EEA1: variants seen among roughly 807,000 people sequenced by gnomAD.
EEA1 encodes the protein early endosome antigen 1, 162kD.
Under a neutral mutation model 209.2 loss-of-function variants are expected in EEA1, and 111 were observed. That is an observed-to-expected ratio of 0.53 (90% CI 0.45 to 0.62). The LOEUF is 0.62. EEA1 is among the 20% of genes least tolerant of loss of function. The probability of loss-of-function intolerance (pLI) is 0.00; values close to 1 mark genes in which losing one functional copy is unlikely to be tolerated. For missense variants in EEA1, 1,343 were observed against 1,530.8 expected, an observed-to-expected ratio of 0.88 and a Z score of 2.05; for synonymous variants, 536 against 540.6, an observed-to-expected ratio of 0.99 and a Z score of 0.12.
chr12:92,885,049 GAAA>G (rs1879322433), intron 2 of EEA1, among the ~76,000 whole-genome samples: 1 of 148,514 alleles, frequency 6.7e-6, no homozygotes, highest in Non-Finnish European at 1.5e-5. Context: ...AATGTGCAAA[GAAA>G]AAAGAATACT....
chr12:92,813,085 G>T lies in EEA1; in HGVS notation c.1938C>A (p.Ala646=). 6.3e-7 allele frequency: 1 copy of T among 1,575,126 alleles called. No homozygotes were observed. Among genetic ancestry groups the T allele is most frequent in the Non-Finnish European group, 8.7e-7 (1 of 1,155,308 alleles). ...CTGCTGATAGTAATAGTTCGGTTTT[G>T]GCTTTAATCTGTAACAGCATTTACA... The part of the protein sequence containing the change: ...KVSQLDIQIK[A]KTELLLSAEA... Residue 646 remains alanine (A), a synonymous_variant, in exon 16 of 29, where the codon GCC becomes GCA. Coordinates refer to ENST00000322349, the MANE Select transcript of EEA1 (RefSeq NM_003566.4).
chr12:92,831,950 G>C (rs1008860286), intron 11 of EEA1, among the ~76,000 whole-genome samples: 8 of 150,838 alleles, frequency 5.3e-5, no homozygotes, highest in Non-Finnish European at 8.9e-5. Flanking sequence ...AGCCGGGCGC[G>C]GTGGCGGGCG....
intron 2 of EEA1, among the ~76,000 whole-genome samples, chr12:92,888,756 C>T (rs1463254731): frequency 2.0e-5 from 3 of 151,946 alleles, no homozygotes; most frequent in Non-Finnish European, 4.4e-5. Context: ...ACTAATGAAC[C>T]ACAATATAAG....
chr12:92,911,525 A>C (rs2264291), intron 1 of EEA1, among the ~76,000 whole-genome samples: 1 of 152,212 alleles, frequency 6.6e-6, no homozygotes, highest in Non-Finnish European at 1.5e-5. Flanking sequence ...GGATTTGTAC[A>C]GAAGTGAAAG....
At chr12:92,925,467 G>A (rs1028412242) in intron 1 of EEA1, among the ~76,000 whole-genome samples, 8 of 152,080 alleles carry the variant, frequency 5.3e-5, no homozygotes, top group Non-Finnish European at 1.2e-4. Context: ...TGCACGCCTC[G>A]GCTTCCCAAA....
At chr12:92,882,420 T>TC (rs1879188860) in intron 2 of EEA1, among the ~76,000 whole-genome samples, 1 of 152,094 alleles carries the variant, frequency 6.6e-6, no homozygotes, top group South Asian at 2.1e-4. Context: ...TTTTTTTTTT[T>TC]TCCACTTTTA....
intron 2 of EEA1, among the ~76,000 whole-genome samples, chr12:92,888,460 C>T (rs993515507): frequency 4.0e-5 from 6 of 151,784 alleles, no homozygotes; most frequent in Non-Finnish European, 7.4e-5. Context: ...GCCTGTAGTC[C>T]CAGCTACTCG....
intron 2 of EEA1, among the ~76,000 whole-genome samples, chr12:92,875,033 A>C (rs953078738): frequency 1.3e-5 from 2 of 152,210 alleles, no homozygotes; most frequent in African/African-American, 4.8e-5. Context: ...TTTTTTAAAA[A>C]TCACATGGGC....
intron 10 of EEA1, among the ~76,000 whole-genome samples, chr12:92,834,881 T>C (rs1409500024): frequency 1.3e-5 from 2 of 152,132 alleles, no homozygotes; most frequent in Non-Finnish European, 2.9e-5. Context: ...ATCATCTTTT[T>C]TTTTTCTTTT....
chr12:92,868,664 T>C (rs1174951960), intron 2 of EEA1, among the ~76,000 whole-genome samples: 4 of 152,274 alleles, frequency 2.6e-5, no homozygotes, highest in African/African-American at 9.6e-5. Flanking sequence ...CATTTCATTA[T>C]AGAAATATTC....
intron 2 of EEA1, among the ~76,000 whole-genome samples, chr12:92,871,132 A>G (rs1878624348): frequency 2.0e-5 from 3 of 152,228 alleles, no homozygotes; most frequent in African/African-American, 7.2e-5. Context: ...ATATTCACTT[A>G]ATATTTTGAT....
In EEA1 at chr12:92,776,197, A is replaced by C. The variant is rs1191205683; in HGVS notation, c.4114-64T>G. 2.0e-6 allele frequency: 3 copies of C among 1,475,308 alleles called. No individual in the cohort carries two copies. In the African/African-American group the frequency reaches 4.2e-5, roughly 21 times the overall value. The allele number at this position is 1,475,308 out of a possible 1,614,324, so 91.4% of individuals were successfully genotyped here. On this transcript the variant is annotated intron_variant, in intron 28 of 28. Coordinates refer to ENST00000322349, the MANE Select transcript of EEA1 (RefSeq NM_003566.4). ...ACTATACCAAAAGTATTATGAAACT[A>C]CATGAATACCACCAACTACATTATG...
chr12:92,811,218 A>G, intron 17 of EEA1, 61 bp downstream of exon 17: 1 of 1,158,614 alleles, frequency 8.6e-7, no homozygotes, highest in Non-Finnish European at 1.1e-6. Context: ...CATGTAGGTC[A>G]TGAGATTCCA....
At chr12:92,928,302 T>A (rs1395975047) in intron 1 of EEA1, among the ~76,000 whole-genome samples, 1 of 152,188 alleles carries the variant, frequency 6.6e-6, no homozygotes, top group African/African-American at 2.4e-5. Context: ...TCCTCAAGGT[T>A]TTCCAGATTT....
chr12:92,811,016 T>C (rs184010673), intron 17 of EEA1, among the ~76,000 whole-genome samples: 27 of 152,246 alleles, frequency 1.8e-4, no homozygotes, highest in Admixed American at 1.6e-3. Context: ...TGGTTATCTG[T>C]CTTTGGAAAA....
chr12:92,896,258 C>T (rs1470589908), intron 1 of EEA1, among the ~76,000 whole-genome samples: 8 of 152,276 alleles, frequency 5.3e-5, no homozygotes, highest in Middle Eastern at 3.4e-3. Flanking sequence ...AGGTGTGAGC[C>T]ATCGCGCCTG....
At chr12:92,920,734 CA>C (rs1327857843) in intron 1 of EEA1, among the ~76,000 whole-genome samples, 2 of 151,730 alleles carry the variant, frequency 1.3e-5, no homozygotes, top group Non-Finnish European at 2.9e-5. Context: ...CAACAAAAGA[CA>C]AAATTGACAA....
chr12:92,818,681 T>G (rs1266492892), intron 14 of EEA1, among the ~76,000 whole-genome samples: 2 of 152,190 alleles, frequency 1.3e-5, no homozygotes, highest in Non-Finnish European at 2.9e-5. Flanking sequence ...TTTAAATATT[T>G]TCTCATTTAG....
intron 18 of EEA1, among the ~76,000 whole-genome samples, chr12:92,804,551 G>A (rs1238082249): frequency 1.7e-4 from 21 of 124,570 alleles, no homozygotes; most frequent in East Asian, 2.3e-4. Flanking sequence ...CAGCCTGGGC[G>A]ACAGAGTGAG....
Sources: gnomAD v4.1 joint callset for allele counts (sites outside exome capture counted in the v4.1 genomes callset) on GRCh38, gnomAD v4.1.1 for gene constraint, MANE v1.5 for transcripts, NCBI Gene and HGNC (gene_info 2026-07-23, HGNC 2026-07-21) for gene names.